The following THADA variants were observed in gnomAD, a reference collection of about 807,000 sequenced individuals.
THADA encodes THADA armadillo repeat containing, also known as tRNA (32-2'-O)-methyltransferase regulator THADA.
THADA carries 213 observed loss-of-function variants against 219.8 expected under a neutral mutation model. The observed-to-expected ratio is 0.97, with a 90% confidence interval of 0.87 to 1.09. The LOEUF is 1.09. Among genes scored for constraint, THADA ranks in the 50% least tolerant of loss-of-function variants. The probability of loss-of-function intolerance (pLI) is 0.00; values close to 1 mark genes in which losing one functional copy is unlikely to be tolerated. For missense variants in THADA, 2,956 were observed against 2,311.3 expected, an observed-to-expected ratio of 1.28 and a Z score of -5.72; for synonymous variants, 1,018 against 828.9, an observed-to-expected ratio of 1.23 and a Z score of -3.92.
chr2:43,545,126 G>C lies in THADA; in HGVS notation c.3107-3810C>G, dbSNP rs1409992922. On this transcript the variant is annotated intron_variant, in intron 20 of 37. Coordinates refer to ENST00000405975, the MANE Select transcript of THADA (RefSeq NM_022065.5). ...CAAAGGCCTTTTCTGCATCTATTGA[G>C]ATAATCATGTGGTTTTTGTCTTTCG... Among the ~76,000 whole-genome samples the C allele has an allele frequency of 5.9e-5, 9 of 152,296 alleles. 1 individual carries two copies. The East Asian group carries it at 1.7e-3, about 29-fold the overall frequency.
chr2:43,543,629 T>C (rs1000154568), intron 20 of THADA, among the ~76,000 whole-genome samples: 4 of 152,248 alleles, frequency 2.6e-5, no homozygotes, highest in African/African-American at 2.4e-5. Flanking sequence ...TGGCCAGTGA[T>C]GGTGAGCATT....
chr2:43,566,686 T>C lies in THADA; in HGVS notation c.2311+12A>G, dbSNP rs771665795. ...ACAAAAATTACTTCCCCTAACATTA[T>C]TAAACACTTACCTTCTGGGACATGA... On this transcript the variant is annotated intron_variant, in intron 15 of 37. Coordinates refer to ENST00000405975, the MANE Select transcript of THADA (RefSeq NM_022065.5). 8.1e-6 allele frequency: 13 copies of C among 1,609,220 alleles called. No individual in the cohort carries two copies. In the East Asian group the frequency reaches 2.5e-4, roughly 30 times the overall value.
At chr2:43,586,279 A>G (rs1266325977) in intron 7 of THADA, 122 bp downstream of exon 7, 3 of 838,082 alleles carry the variant, frequency 3.6e-6, no homozygotes, top group Non-Finnish European at 5.3e-6. Flanking sequence ...AAAATATAAA[A>G]GTGATAATAT....
intron 34 of THADA, among the ~76,000 whole-genome samples, chr2:43,290,619 G>T (rs1182367086): frequency 6.6e-6 from 1 of 152,080 alleles, no homozygotes; most frequent in Non-Finnish European, 1.5e-5. Flanking sequence ...TCTCTCATTA[G>T]ACTATAGCTC....
intron 36 of THADA, among the ~76,000 whole-genome samples, chr2:43,258,013 T>C (rs148321780): frequency 6.6e-6 from 1 of 152,124 alleles, no homozygotes; most frequent in Non-Finnish European, 1.5e-5. Flanking sequence ...CCCTGGACAG[T>C]GCTTATTAGG....
chr2:43,567,918 A>T (rs1558987905), intron 14 of THADA, among the ~76,000 whole-genome samples: 1 of 152,190 alleles, frequency 6.6e-6, no homozygotes, highest in African/African-American at 2.4e-5. Context: ...CCATTACTCA[A>T]GTCCTCCATT....
At chr2:43,390,538 C>T (rs1558683594) in intron 29 of THADA, among the ~76,000 whole-genome samples, 1 of 152,152 alleles carries the variant, frequency 6.6e-6, no homozygotes, top group Non-Finnish European at 1.5e-5. Context: ...GCCAACTGCC[C>T]TCCTCTCCTA....
intron 26 of THADA, among the ~76,000 whole-genome samples, chr2:43,443,691 A>G (rs1681142545): frequency 6.6e-6 from 1 of 152,386 alleles, no homozygotes; most frequent in South Asian, 2.1e-4. Context: ...CAGACAGGTG[A>G]AAACAAACAA....
At chr2:43,595,074 A>G (rs895055531) in intron 1 of THADA, among the ~76,000 whole-genome samples, 4 of 152,252 alleles carry the variant, frequency 2.6e-5, no homozygotes, top group Non-Finnish European at 4.4e-5. Flanking sequence ...CCTGGCACAT[A>G]GTAGGTGTTT....
At chr2:43,539,803 T>G (rs1191100456) in intron 21 of THADA, among the ~76,000 whole-genome samples, 1 of 146,422 alleles carries the variant, frequency 6.8e-6, no homozygotes, top group African/African-American at 2.5e-5. Context: ...GTGATAATTG[T>G]TTTTTTTTTT....
chr2:43,286,438 C>G (rs1430069620), intron 35 of THADA, among the ~76,000 whole-genome samples: 1 of 152,058 alleles, frequency 6.6e-6, no homozygotes, highest in Non-Finnish European at 1.5e-5. Context: ...AAACAAGAGG[C>G]TGGTTAAGAG....
chr2:43,272,120 T>C (rs1007112405), intron 36 of THADA, among the ~76,000 whole-genome samples: 1 of 152,056 alleles, frequency 6.6e-6, no homozygotes. Context: ...AAGGGAAGAA[T>C]ATTCCAAGCA....
chr2:43,469,676 T>C (rs1439227693), intron 26 of THADA, among the ~76,000 whole-genome samples: 1 of 151,804 alleles, frequency 6.6e-6, no homozygotes, highest in African/African-American at 2.4e-5. Flanking sequence ...CCTCAAAAAA[T>C]CCAAAAAAAC....
chr2:43,499,096 T>C, intron 24 of THADA, 141 bp from the exon 25 acceptor site: 1 of 904,902 alleles, frequency 1.1e-6, no homozygotes, highest in East Asian at 2.8e-5. Flanking sequence ...AATAGCAGAT[T>C]TAATAAAACA....
At position 43,528,342 on chromosome 2, in the gene THADA, C is replaced by A. The variant is rs551115604; in HGVS notation, c.3265-354G>T. The stretch of plus-strand genomic sequence containing the variant: ...GATGGGTTTCACCATGTTGGCCAGG[C>A]TGGTCTCTAACTCCTGACCTCAGGT... On this transcript the variant is annotated intron_variant, in intron 21 of 37. Coordinates refer to ENST00000405975, the MANE Select transcript of THADA (RefSeq NM_022065.5). 2.6e-5 allele frequency among the ~76,000 whole-genome samples: 4 copies of A among 152,202 alleles called. No homozygotes were observed. In the East Asian group the frequency reaches 7.7e-4, roughly 29 times the overall value.
chr2:43,317,040 T>C (rs1163869416), intron 31 of THADA, among the ~76,000 whole-genome samples: 2 of 152,238 alleles, frequency 1.3e-5, no homozygotes, highest in Non-Finnish European at 2.9e-5. Context: ...CTCTAAGATA[T>C]AGATCTTACT....
intron 28 of THADA, among the ~76,000 whole-genome samples, chr2:43,406,429 T>C (rs6544654): frequency 0.48 from 72,528 of 152,042 alleles, 17,695 homozygotes; most frequent in South Asian, 0.53. Flanking sequence ...TACATTTCAT[T>C]TGAAATTTCA....
chr2:43,268,534 C>A (rs921966522), intron 36 of THADA, among the ~76,000 whole-genome samples: 2 of 152,200 alleles, frequency 1.3e-5, no homozygotes, highest in African/African-American at 4.8e-5. Flanking sequence ...AACAAGGAAG[C>A]CCAGGCTTTC....
intron 15 of THADA, among the ~76,000 whole-genome samples, chr2:43,561,908 T>C (rs1698114564): frequency 6.6e-6 from 1 of 152,212 alleles, no homozygotes; most frequent in Non-Finnish European, 1.5e-5. Flanking sequence ...TTCATCATCT[T>C]GTCCTTCCTA....
Sources: gnomAD v4.1 joint callset for allele counts (sites outside exome capture counted in the v4.1 genomes callset) on GRCh38, gnomAD v4.1.1 for gene constraint, MANE v1.5 for transcripts, NCBI Gene and HGNC (gene_info 2026-07-23, HGNC 2026-07-21) for gene names.